Variants in SDK2 observed in about 807,000 individuals in gnomAD.
SDK2 encodes protein sidekick-2.
SDK2 carries 105 observed loss-of-function variants against 253.9 expected under a neutral mutation model. The ratio of observed to expected loss-of-function variants is 0.41; its 90% CI spans 0.35 to 0.49. The LOEUF is 0.49. SDK2 is among the 20% of genes least tolerant of loss of function. The probability of loss-of-function intolerance (pLI) is 0.06; values close to 1 mark genes in which losing one functional copy is unlikely to be tolerated. For synonymous variants in SDK2, 1,249 were observed against 1,234.9 expected, an observed-to-expected ratio of 1.01 and a Z score of -0.24; for missense variants, 2,608 against 3,003.0, an observed-to-expected ratio of 0.87 and a Z score of 3.07.
chr17:73,589,836 C>A (rs2045657831), intron 1 of SDK2, among the ~76,000 whole-genome samples: 1 of 152,270 alleles, frequency 6.6e-6, no homozygotes, highest in Non-Finnish European at 1.5e-5. Context: ...GCAGGTGTTA[C>A]AGAGGTGCTG....
At chr17:73,599,378 A>G (rs1461209804) in intron 1 of SDK2, among the ~76,000 whole-genome samples, 1 of 152,100 alleles carries the variant, frequency 6.6e-6, no homozygotes, top group African/African-American at 2.4e-5. Context: ...CCAAAAATAC[A>G]AAAATTAGCC....
chr17:73,351,289 T>C (rs373134979), intron 41 of SDK2, among the ~76,000 whole-genome samples: 229 of 152,278 alleles, frequency 1.5e-3, no homozygotes, highest in South Asian at 0.011. Flanking sequence ...TTTGTATTTT[T>C]AGTAGACACG....
At chr17:73,588,349 T>G (rs567722976) in intron 1 of SDK2, among the ~76,000 whole-genome samples, 190 of 134,634 alleles carry the variant, frequency 1.4e-3, no homozygotes, top group Non-Finnish European at 2.3e-3. Flanking sequence ...ATCGCGCCTT[T>G]GCACACCAGC....
chr17:73,509,874 T>C (rs1299648975), intron 1 of SDK2, among the ~76,000 whole-genome samples: 4 of 77,790 alleles, frequency 5.1e-5, no homozygotes, highest in Admixed American at 1.8e-4. Context: ...CACTCCAGCC[T>C]GAGCAACAGA....
chr17:73,398,369 C>T lies in SDK2; in HGVS notation c.3154G>A (p.Asp1052Asn), dbSNP rs569887290. ...LLIHQLSNEP[D>N]ARSMEVPDLN... ...TCGGGCACCTCCATGGAGCGGGCAT[C>T]GGGCTCATTGGAGAGCTGGTGGATC... The change falls in exon 23 of 45, where the codon GAT becomes AAT. Residue 1052 changes from aspartate to asparagine, a missense_variant. Coordinates refer to ENST00000392650, the MANE Select transcript of SDK2 (RefSeq NM_001144952.2). 1.0e-4 allele frequency: 161 copies of T among 1,613,940 alleles called. 3 individuals carry two copies. The South Asian group carries it at 1.7e-3, about 17-fold the overall frequency.
At chr17:73,492,914 G>A (rs1201136458) in intron 2 of SDK2, among the ~76,000 whole-genome samples, 1 of 152,184 alleles carries the variant, frequency 6.6e-6, no homozygotes, top group Non-Finnish European at 1.5e-5. Context: ...TTGCCTGCCT[G>A]AGCGCATAAC....
At chr17:73,495,270 T>G (rs1476926035) in intron 2 of SDK2, among the ~76,000 whole-genome samples, 1 of 152,196 alleles carries the variant, frequency 6.6e-6, no homozygotes, top group African/African-American at 2.4e-5. Context: ...TGCCAGCACC[T>G]CACTGTAGGT....
chr17:73,367,400 G>A lies in SDK2; in HGVS notation c.5167+1007C>T, dbSNP rs142261706. ...GCCACCTGGCTTTCTCTGCGTTCCC[G>A]GGTTCCTCTCCAGCCCCTAGGCCTT... is the stretch of plus-strand genomic sequence containing the variant. On this transcript the variant is annotated intron_variant, in intron 37 of 44. Transcript: ENST00000392650. 3.1e-3 allele frequency among the ~76,000 whole-genome samples: 471 copies of A among 152,208 alleles called. 1 individual carries two copies. Among genetic ancestry groups the A allele is most frequent in the Non-Finnish European group, 5.4e-3 (364 of 68,006 alleles).
chr17:73,463,639 A>C (rs997829994), intron 3 of SDK2, among the ~76,000 whole-genome samples: 1 of 152,134 alleles, frequency 6.6e-6, no homozygotes, highest in African/African-American at 2.4e-5. Flanking sequence ...ATTTGTGGTC[A>C]ATGTATTCTG....
At chr17:73,539,850 T>C (rs1399420744) in intron 1 of SDK2, among the ~76,000 whole-genome samples, 2 of 151,704 alleles carry the variant, frequency 1.3e-5, no homozygotes, top group South Asian at 2.1e-4. Flanking sequence ...GAGGCGGAGA[T>C]GGAGTCATGC....
chr17:73,357,026 C>T (rs555136784), intron 40 of SDK2, among the ~76,000 whole-genome samples: 114 of 152,324 alleles, frequency 7.5e-4, no homozygotes, highest in Middle Eastern at 3.4e-3. Context: ...ACTCAGCAGC[C>T]GGCACCAGAG....
At chr17:73,584,897 C>T (rs1056220689) in intron 1 of SDK2, among the ~76,000 whole-genome samples, 1 of 152,234 alleles carries the variant, frequency 6.6e-6, no homozygotes, top group African/African-American at 2.4e-5. Context: ...ACGCTCAGGT[C>T]GAAGCCCGTT....
chr17:73,607,984 G>A (rs559084432), intron 1 of SDK2, among the ~76,000 whole-genome samples: 4 of 151,862 alleles, frequency 2.6e-5, no homozygotes, highest in African/African-American at 7.3e-5. Context: ...TGCACACTAC[G>A]GTACATTTGT....
intron 1 of SDK2, among the ~76,000 whole-genome samples, chr17:73,526,940 CCA>C (rs1474317434): frequency 1.3e-5 from 2 of 152,246 alleles, no homozygotes; most frequent in Non-Finnish European, 2.9e-5. Flanking sequence ...TCAGTGAACA[CCA>C]GTTATAGGCC....
chr17:73,566,319 A>ATGTGTGTGTGTGTGTG (rs55940592), intron 1 of SDK2, among the ~76,000 whole-genome samples: 105 of 139,400 alleles, frequency 7.5e-4, no homozygotes, highest in African/African-American at 2.6e-3. Flanking sequence ...TTATATATAT[A>ATGTGTGTGTGTGTGTG]TGTGTGTGTG....
At chr17:73,401,631 T>C in intron 20 of SDK2, 23 bp downstream of exon 20, 1 of 1,563,114 alleles carries the variant, frequency 6.4e-7, no homozygotes, top group Non-Finnish European at 8.7e-7. Flanking sequence ...TGCCCTCTGG[T>C]TCAGAAACAC....
chr17:73,494,530 C>T (rs548776587), intron 2 of SDK2, among the ~76,000 whole-genome samples: 1 of 152,356 alleles, frequency 6.6e-6, no homozygotes, highest in East Asian at 1.9e-4. Context: ...CTATGGAAAC[C>T]AAGCCAGTCA....
intron 3 of SDK2, among the ~76,000 whole-genome samples, chr17:73,469,508 C>A (rs971965191): frequency 6.6e-6 from 1 of 152,238 alleles, no homozygotes; most frequent in Non-Finnish European, 1.5e-5. Context: ...CCCTTCTCTG[C>A]AGCACCTAGG....
intron 1 of SDK2, among the ~76,000 whole-genome samples, chr17:73,563,999 G>A (rs903724291): frequency 6.6e-6 from 1 of 152,024 alleles, no homozygotes; most frequent in Non-Finnish European, 1.5e-5. Context: ...AGGCTCAAGC[G>A]ATCCACCCAC....
Sources: gnomAD v4.1 joint callset for allele counts (sites outside exome capture counted in the v4.1 genomes callset) on GRCh38, gnomAD v4.1.1 for gene constraint, MANE v1.5 for transcripts, NCBI Gene and HGNC (gene_info 2026-07-23, HGNC 2026-07-21) for gene names.